Variants in WWOX observed in about 807,000 individuals in gnomAD.
WWOX encodes the protein WW domain containing oxidoreductase.
In WWOX, 69 loss-of-function variants were observed where a neutral mutation model predicts 46.2. That is an observed-to-expected ratio of 1.49 (90% CI 1.23 to 1.82). WWOX has a LOEUF of 1.82. WWOX is among the 40% of genes most tolerant of loss of function. The pLI, the probability that WWOX is intolerant of heterozygous loss-of-function variation, is 0.00. For missense variants in WWOX, 919 were observed against 542.6 expected, an observed-to-expected ratio of 1.69 and a Z score of -6.89; for synonymous variants, 359 against 202.6, an observed-to-expected ratio of 1.77 and a Z score of -6.56.
intron 4 of WWOX, among the ~76,000 whole-genome samples, chr16:78,148,564 G>GTTTTA (rs1469344566): frequency 6.6e-6 from 1 of 151,642 alleles, no homozygotes; most frequent in Non-Finnish European, 1.5e-5. Context: ...ATTTTGTGCT[G>GTTTTA]TTTTATTTTT....
intron 5 of WWOX, among the ~76,000 whole-genome samples, chr16:78,312,857 C>T (rs903337661): frequency 5.9e-5 from 9 of 152,154 alleles, no homozygotes; most frequent in Admixed American, 1.3e-4. Context: ...GGTCAGCCTC[C>T]GAGGTGGTAG....
intron 5 of WWOX, among the ~76,000 whole-genome samples, chr16:78,299,187 C>T (rs1332811719): frequency 1.3e-5 from 2 of 152,106 alleles, no homozygotes; most frequent in Non-Finnish European, 2.9e-5. Flanking sequence ...TAGAGGATTC[C>T]GAAAGCTAGC....
chr16:78,366,237 C>A (rs557698898), intron 5 of WWOX, among the ~76,000 whole-genome samples: 1 of 152,162 alleles, frequency 6.6e-6, no homozygotes, highest in African/African-American at 2.4e-5. Context: ...ACATTTAACG[C>A]TGTTATGTAC....
intron 8 of WWOX, among the ~76,000 whole-genome samples, chr16:79,059,715 A>G (rs1381320813): frequency 3.3e-5 from 5 of 152,144 alleles, no homozygotes; most frequent in Admixed American, 6.6e-5. Context: ...AGGCATCTCA[A>G]TCGTTTTACT....
intron 8 of WWOX, among the ~76,000 whole-genome samples, chr16:79,129,952 CT>C (rs1223568902): frequency 6.6e-6 from 1 of 152,196 alleles, no homozygotes; most frequent in Non-Finnish European, 1.5e-5. Context: ...CACTTTGCCA[CT>C]TTAAGTCTCC....
At chr16:78,567,526 C>T (rs1379709415) in intron 8 of WWOX, among the ~76,000 whole-genome samples, 2 of 125,896 alleles carry the variant, frequency 1.6e-5, no homozygotes, top group Non-Finnish European at 3.1e-5. Flanking sequence ...GCACTCCAGC[C>T]TGGGCGACAG....
intron 8 of WWOX, among the ~76,000 whole-genome samples, chr16:78,569,107 C>T (rs557974246): frequency 5.3e-5 from 8 of 152,162 alleles, no homozygotes; most frequent in Admixed American, 2.6e-4. Flanking sequence ...GTTTGCAAAC[C>T]GTTTCTTAAA....
Position 78,802,928 on chromosome 16 carries a change from AAAAAAAAAAAAAAACAAC to A in WWOX, c.1056+370180_1056+370197del, listed in dbSNP as rs1192605398. 2.2e-4 allele frequency among the ~76,000 whole-genome samples: 24 copies of A among 110,756 alleles called. 2 individuals are homozygous for A. The highest frequency in any genetic ancestry group is 7.2e-4 in the African/African-American group (20 of 27,820). The allele number at this position is 110,756 out of a possible 152,430, so 72.7% of individuals were successfully genotyped here. ...AAGACTTCATCTGAAAAAAAAAAAA[AAAAAAAAAAAAAAACAAC>A]AAACAGAAAAATGAACGAGTGAGTG... is the stretch of plus-strand genomic sequence containing the variant. On this transcript the variant is annotated intron_variant, in intron 8 of 8. Transcript: ENST00000566780.
intron 7 of WWOX, among the ~76,000 whole-genome samples, chr16:78,427,609 G>A (rs887455900): frequency 6.6e-6 from 1 of 151,728 alleles, no homozygotes; most frequent in Non-Finnish European, 1.5e-5. Flanking sequence ...ATTTTAGGCG[G>A]GAATTTTAAA....
intron 8 of WWOX, among the ~76,000 whole-genome samples, chr16:78,888,883 C>T (rs1050922064): frequency 1.4e-4 from 22 of 152,020 alleles, no homozygotes; most frequent in African/African-American, 5.3e-4. Context: ...TTTACTCGAT[C>T]TAATTTCTCT....
At chr16:78,497,889 G>A (rs1277571310) in intron 8 of WWOX, among the ~76,000 whole-genome samples, 1 of 151,960 alleles carries the variant, frequency 6.6e-6, no homozygotes, top group African/African-American at 2.4e-5. Flanking sequence ...ACATTTTAAA[G>A]GGAATTTGGT....
At chr16:78,312,962 C>G (rs1426337003) in intron 5 of WWOX, among the ~76,000 whole-genome samples, 1 of 152,152 alleles carries the variant, frequency 6.6e-6, no homozygotes, top group South Asian at 2.1e-4. Context: ...GCCTGGTGTA[C>G]AGGAGGGTTA....
At chr16:78,199,129 C>T (rs1216794990) in intron 5 of WWOX, among the ~76,000 whole-genome samples, 5 of 152,096 alleles carry the variant, frequency 3.3e-5, no homozygotes, top group Middle Eastern at 3.4e-3. Context: ...CTGGCTAACA[C>T]GGTGAAACCC....
intron 6 of WWOX, among the ~76,000 whole-genome samples, chr16:78,412,524 A>T (rs900336355): frequency 6.6e-6 from 1 of 152,162 alleles, no homozygotes; most frequent in Non-Finnish European, 1.5e-5. Context: ...GAGATTGGTG[A>T]TGGAACAATG....
chr16:78,372,284 T>G (rs1308082112), intron 5 of WWOX, among the ~76,000 whole-genome samples: 1 of 152,162 alleles, frequency 6.6e-6, no homozygotes, highest in Non-Finnish European at 1.5e-5. Context: ...CTGTGCAAAT[T>G]CTAGGGTGTC....
intron 8 of WWOX, among the ~76,000 whole-genome samples, chr16:78,783,533 A>C (rs764128316): frequency 6.6e-6 from 1 of 152,254 alleles, no homozygotes; most frequent in Non-Finnish European, 1.5e-5. Context: ...GGGAGAGGCC[A>C]GAATGGGCCT....
chr16:78,422,239 A>G (rs956504332), intron 6 of WWOX, among the ~76,000 whole-genome samples: 1 of 152,042 alleles, frequency 6.6e-6, no homozygotes, highest in Non-Finnish European at 1.5e-5. Context: ...CTTTTGTTCC[A>G]CTGTTTTAGA....
At chr16:78,801,586 C>T (rs2050891143) in intron 8 of WWOX, among the ~76,000 whole-genome samples, 3 of 152,148 alleles carry the variant, frequency 2.0e-5, no homozygotes, top group South Asian at 4.2e-4. Context: ...AGCCAAAGTC[C>T]TTACTGGGCA....
At chr16:79,202,849 C>T (rs1262848170) in intron 8 of WWOX, 1 of 152,082 alleles carries the variant, frequency 6.6e-6, no homozygotes, top group Non-Finnish European at 1.5e-5. Context: ...GAAAGGCAGC[C>T]TAATTGTATT....
Sources: gnomAD v4.1 joint callset for allele counts (sites outside exome capture counted in the v4.1 genomes callset) on GRCh38, gnomAD v4.1.1 for gene constraint, MANE v1.5 for transcripts, NCBI Gene and HGNC (gene_info 2026-07-23, HGNC 2026-07-21) for gene names.